The following ESRRB variants were observed in gnomAD, a reference collection of about 807,000 sequenced individuals.
The protein encoded by ESRRB is estrogen related receptor beta.
Under a neutral mutation model 46.0 loss-of-function variants are expected in ESRRB, and 16 were observed. The ratio of observed to expected loss-of-function variants is 0.35; its 90% CI spans 0.24 to 0.53. The LOEUF (loss-of-function observed/expected upper bound fraction) is 0.53. ESRRB is among the 20% of genes least tolerant of loss of function. ESRRB has a pLI of 0.93. For synonymous variants in ESRRB, 246 were observed against 259.6 expected (o/e 0.95, Z 0.50); for missense variants, 488 against 607.4 (o/e 0.80, Z 2.07).
At chr14:76,454,607 G>C (rs1888526289) in intron 2 of ESRRB, among the ~76,000 whole-genome samples, 1 of 152,146 alleles carries the variant, frequency 6.6e-6, no homozygotes, top group African/African-American at 2.4e-5. Context: ...GGCTCCATGA[G>C]ATCCATGAAC....
At chr14:76,357,922 G>T (rs755467565) in intron 1 of ESRRB, among the ~76,000 whole-genome samples, 5 of 152,178 alleles carry the variant, frequency 3.3e-5, no homozygotes, top group Non-Finnish European at 5.9e-5. Flanking sequence ...AGAAGGGAAT[G>T]AGCAACACTG....
intron 1 of ESRRB, among the ~76,000 whole-genome samples, chr14:76,387,307 C>T (rs1030504601): frequency 2.4e-4 from 36 of 152,230 alleles, no homozygotes; most frequent in African/African-American, 8.2e-4. Flanking sequence ...AGCCTGATGC[C>T]CTCACAGCCC....
intron 2 of ESRRB, among the ~76,000 whole-genome samples, chr14:76,458,457 CACACACACACACAAACACACACACAT>C (rs1320391943): frequency 0.025 from 2,159 of 87,060 alleles, 38 homozygotes; most frequent in African/African-American, 0.06. Context: ...CACACACACA[CACACACACACACAAACACACACACAT>C]GCATGCAGGC....
At chr14:76,417,660 G>A (rs890314227) in intron 1 of ESRRB, among the ~76,000 whole-genome samples, 3 of 152,196 alleles carry the variant, frequency 2.0e-5, no homozygotes, top group Non-Finnish European at 4.4e-5. Flanking sequence ...GAAATAACTG[G>A]TTGGAAGTGT....
intron 1 of ESRRB, among the ~76,000 whole-genome samples, chr14:76,354,235 C>CCA (rs566408439): frequency 0.15 from 13,018 of 84,932 alleles, 1,829 homozygotes; most frequent in East Asian, 0.25. Context: ...CCCCCCCCCC[C>CCA]ACCCACACTT....
Position 76,321,886 on chromosome 14 carries a change from C to CAA in ESRRB, c.2+10983_2+10984dup, listed in dbSNP as rs35191942. 8.5e-3 allele frequency among the ~76,000 whole-genome samples: 1,204 copies of CAA among 141,892 alleles called. 17 individuals are homozygous for CAA. Among genetic ancestry groups the CAA allele is most frequent in the African/African-American group, 0.027 (1,004 of 37,606 alleles). The allele number at this position is 141,892 out of a possible 152,430, so 93.1% of individuals were successfully genotyped here. Reference sequence around the variant, plus strand: ...TGGGCTAAAGAGCGGGACTCCGTCTCAAAAAAAAAAAAAATATATTCTTCC... The same window carrying CAA: ...TGGGCTAAAGAGCGGGACTCCGTCTCAAAAAAAAAAAAAAAATATATTCTTCC... On this transcript the variant is annotated intron_variant, in intron 1 of 6. Transcript: ENST00000512784.
At chr14:76,410,854 G>C (rs536276577) in intron 1 of ESRRB, among the ~76,000 whole-genome samples, 1 of 152,058 alleles carries the variant, frequency 6.6e-6, no homozygotes, top group Non-Finnish European at 1.5e-5. Context: ...TGCAATCTCA[G>C]CTCACTGCAA....
intron 3 of ESRRB, among the ~76,000 whole-genome samples, chr14:76,470,834 T>C (rs558585512): frequency 6.6e-6 from 1 of 152,160 alleles, no homozygotes; most frequent in Non-Finnish European, 1.5e-5. Context: ...TCTACAGGCA[T>C]GTGCCAACAT....
intron 1 of ESRRB, among the ~76,000 whole-genome samples, chr14:76,431,556 C>T (rs1349303334): frequency 1.3e-5 from 2 of 152,138 alleles, no homozygotes; most frequent in Non-Finnish European, 2.9e-5. Flanking sequence ...CAGGGTCCCA[C>T]GCTGGCTACT....
chr14:76,442,801 T>C (rs1887973307), intron 2 of ESRRB, among the ~76,000 whole-genome samples: 1 of 150,806 alleles, frequency 6.6e-6, no homozygotes, highest in Non-Finnish European at 1.5e-5. Context: ...ATTTCTTTTT[T>C]CTTTTCTTTT....
chr14:76,347,097 G>A (rs543376824), intron 1 of ESRRB, among the ~76,000 whole-genome samples: 6 of 152,212 alleles, frequency 3.9e-5, no homozygotes, highest in African/African-American at 1.4e-4. Flanking sequence ...CTGGCCTCTT[G>A]GAAACAAGCA....
intron 2 of ESRRB, among the ~76,000 whole-genome samples, chr14:76,443,694 C>T (rs1888012736): frequency 6.6e-6 from 1 of 151,436 alleles, no homozygotes; most frequent in South Asian, 2.1e-4. Context: ...TTTTGAATCA[C>T]ATTTTTTGAA....
At position 76,498,843 on chromosome 14, in the gene ESRRB, C is replaced by A. The variant is rs1890544121; in HGVS notation, c.*385C>A. ...TTTCCTAACTCCCTTGCCCCCTCCC[C>A]CATCTGTGGCCTGGGTGGGCACTGC... On this transcript the variant is annotated 3_prime_UTR_variant, in exon 7 of 7. Coordinates refer to ENST00000644823, the MANE Select transcript of ESRRB (RefSeq NM_001379180.1). The A allele has an allele frequency of 1.8e-6, 1 of 548,744 alleles. No individual in the cohort carries two copies. The highest frequency in any genetic ancestry group is 3.7e-6 in the Non-Finnish European group (1 of 270,808). 34.0% of individuals were successfully genotyped at this position (548,744 alleles called of 1,614,324 possible).
chr14:76,475,135 G>T (rs1263278394), intron 3 of ESRRB, among the ~76,000 whole-genome samples: 1 of 152,118 alleles, frequency 6.6e-6, no homozygotes, highest in Non-Finnish European at 1.5e-5. Context: ...GTGGGAGGCT[G>T]AGGTGGAAAG....
At chr14:76,410,609 G>A (rs76130113) in intron 1 of ESRRB, among the ~76,000 whole-genome samples, 2,446 of 152,216 alleles carry the variant, frequency 0.016, 70 homozygotes, top group African/African-American at 0.056. Context: ...ACTGGTGAAG[G>A]GCCAGGATCC....
chr14:76,429,805 G>T (rs1164300814), intron 1 of ESRRB, among the ~76,000 whole-genome samples: 1 of 152,148 alleles, frequency 6.6e-6, no homozygotes, highest in Non-Finnish European at 1.5e-5. Context: ...ATTACTCAGA[G>T]GGAAGGTCAA....
At chr14:76,368,100 G>A (rs1028958670), upstream of ESRRB, among the ~76,000 whole-genome samples, 1 of 149,586 alleles carries the variant, frequency 6.7e-6, no homozygotes, top group Non-Finnish European at 1.5e-5. Flanking sequence ...CTGCAGGTGC[G>A]TGACACCATG....
chr14:76,318,762 C>G (rs79564077), intron 1 of ESRRB, among the ~76,000 whole-genome samples: 1 of 152,154 alleles, frequency 6.6e-6, no homozygotes, highest in Admixed American at 6.5e-5. Context: ...CTGTTATCAT[C>G]ATTTTGCAGG....
chr14:76,449,362 C>T (rs1303845184), intron 2 of ESRRB, among the ~76,000 whole-genome samples: 1 of 151,946 alleles, frequency 6.6e-6, no homozygotes, highest in African/African-American at 2.4e-5. Context: ...GACCAGCTGG[C>T]CAACATGGCG....
Sources: gnomAD v4.1 joint callset for allele counts (sites outside exome capture counted in the v4.1 genomes callset) on GRCh38, gnomAD v4.1.1 for gene constraint, MANE v1.5 for transcripts, NCBI Gene and HGNC (gene_info 2026-07-23, HGNC 2026-07-21) for gene names.